Variants in PPP1R3E observed in about 807,000 individuals in gnomAD.
PPP1R3E encodes protein phosphatase 1 regulatory subunit 3E, also known as protein phosphatase 1, regulatory (inhibitor) subunit 3E.
PPP1R3E carries 20 observed loss-of-function variants against 18.5 expected under a neutral mutation model. The ratio of observed to expected loss-of-function variants is 1.08; its 90% confidence interval spans 0.76 to 1.58. The LOEUF (loss-of-function observed/expected upper bound fraction) is 1.58, where lower values mean the gene tolerates loss of function less well. Ranked by LOEUF, PPP1R3E falls within the 40% of genes most tolerant of loss-of-function variation. The probability of loss-of-function intolerance (pLI) is 0.00; values close to 1 mark genes in which losing one functional copy is unlikely to be tolerated. For missense variants in PPP1R3E, 498 were observed against 460.2 expected (o/e 1.08, Z -0.75); for synonymous variants, 208 against 208.1 (o/e 1.00, Z 0.00).
At position 23,301,807 on chromosome 14, in the gene PPP1R3E, A is replaced by G. The variant is rs1050424011; in HGVS notation, c.469T>C (p.Leu157=). The change falls in exon 2 of 5, where the codon TTG becomes CTG. Residue 157 remains leucine (L), a synonymous_variant. Transcript: ENST00000452015. The part of the protein sequence containing the change: ...PASEPGFAAR[L]LTQRICLERA... ...TCCAGGCAGATGCGCTGCGTCAGCA[A>G]GCGGGCGGCGAAGCCGGGCTCGCTG... 3 of 1,471,884 alleles carry G rather than the reference A, an allele frequency of 2.0e-6. No homozygotes were observed. Among genetic ancestry groups the G allele is most frequent in the Non-Finnish European group, 2.7e-6 (3 of 1,120,078 alleles). The allele number at this position is 1,471,884 out of a possible 1,614,324, so 91.2% of individuals were successfully genotyped here.
intron 3 of PPP1R3E, among the ~76,000 whole-genome samples, chr14:23,299,908 T>G (rs928004534): frequency 2.1e-5 from 3 of 141,904 alleles, no homozygotes. Flanking sequence ...TCAAGTTGCT[T>G]TGGTGTTTTT....
chr14:23,301,684 A>G lies in PPP1R3E; in HGVS notation c.592T>C (p.Trp198Arg), dbSNP rs1887045077. ...GCTGGCGCCTCGCGTTGGCTCCGCC[A>G]GCCGTCGGCGCTCCAGCGCACGCTC... ...RVSVRWSADG[W>R]RSQREAPAAY... The change falls in exon 2 of 5, where the codon TGG (tryptophan) becomes CGG (arginine). Residue 198 changes from tryptophan to arginine, a missense_variant. Trp to Arg is a moderately radical substitution (Grantham distance 101). Coordinates refer to ENST00000452015, the MANE Select transcript of PPP1R3E (RefSeq NM_001276318.2). 2 of 1,331,238 alleles carry G rather than the reference A, an allele frequency of 1.5e-6. No homozygotes were observed. The highest frequency in any genetic ancestry group is 2.0e-5 in the South Asian group (1 of 49,808). 82.5% of individuals were successfully genotyped at this position (1,331,238 alleles called of 1,614,324 possible).
In PPP1R3E at chr14:23,302,229, C is replaced by A. The variant is rs1249029179; in HGVS notation, c.348G>T (p.Val116=). The A allele has an allele frequency of 1.3e-6, 2 of 1,510,300 alleles. No homozygotes were observed. Among genetic ancestry groups the A allele is most frequent in the South Asian group, 2.5e-5 (2 of 81,152 alleles). The allele number at this position is 1,510,300 out of a possible 1,614,324, so 93.6% of individuals were successfully genotyped here. A position where few individuals can be genotyped will look rare whatever the true frequency, so the allele number is the denominator to read the frequency against. The change falls in exon 1 of 5, where the codon GTG becomes GTT. Residue 116 remains valine, a synonymous_variant. Transcript: ENST00000452015. ...PGELPRVPRH[V]QIQLQRDALR... is the part of the protein sequence containing the mutation. The stretch of plus-strand genomic sequence containing the variant: ...GGGCGTCCCTCTGCAATTGGATCTG[C>A]ACGTGGCGGGGCACCCGGGGCAGCT...
rs1274309603 is a variant in PPP1R3E, at chr14:23,296,356, CTTTCT to C, written c.*2943_*2947del. 12 of 151,240 alleles carry C rather than the reference CTTTCT, an allele frequency of 7.9e-5. No individual in the cohort carries two copies. The highest frequency in any genetic ancestry group is 3.3e-4 in the Admixed American group (5 of 15,200). 9.4% of individuals were successfully genotyped at this position (151,240 alleles called of 1,614,324 possible). ...GAATCACGGGCTTGTGTAGAGACCTCTTTCTTTTCTTTTTTTTTTTGAGGGTCTCA... is the reference window on the plus strand; with the variant it reads ...GAATCACGGGCTTGTGTAGAGACCTCTTTCTTTTTTTTTTTGAGGGTCTCA... On this transcript the variant is annotated 3_prime_UTR_variant, in exon 5 of 5. Transcript: ENST00000452015.
intron 1 of PPP1R3E, 138 bp from the exon 2 acceptor site, chr14:23,301,996 A>G: frequency 8.0e-7 from 1 of 1,245,186 alleles, no homozygotes; most frequent in East Asian, 3.1e-5. Context: ...CCCAGCTGCC[A>G]GGGTGGCCTA....
At chr14:23,301,973 C>A (rs920884510) in intron 1 of PPP1R3E, 115 bp from the exon 2 acceptor site, 45 of 1,269,428 alleles carry the variant, frequency 3.5e-5, no homozygotes, top group Non-Finnish European at 4.1e-6. Context: ...GCGTCCAGGC[C>A]GGCAGAGTGC....
chr14:23,298,971 T>C (rs1886950429), intron 4 of PPP1R3E, 54 bp from the exon 5 acceptor site: 1 of 154,464 alleles, frequency 6.5e-6, no homozygotes, highest in South Asian at 2.0e-4. Flanking sequence ...CTCTATTCTT[T>C]TTTTTTATTT....
chr14:23,302,257 C>T lies in PPP1R3E; in HGVS notation c.320G>A (p.Gly107Asp). Reference protein sequence around the residue: ...ELAVVRRFRPGELPRVPRHVQ... With the variant: ...ELAVVRRFRPDELPRVPRHVQ... The stretch of plus-strand genomic sequence containing the variant: ...GTGGCGGGGCACCCGGGGCAGCTCA[C>T]CGGGACGGAAGCGGCGCACGACAGC... The change falls in exon 1 of 5, where the codon GGT becomes GAT. Residue 107 changes from glycine (G) to aspartate (D), a missense_variant. Coordinates refer to ENST00000452015, the MANE Select transcript of PPP1R3E (RefSeq NM_001276318.2). The T allele has an allele frequency of 2.6e-6, 4 of 1,520,268 alleles. No homozygotes were observed. Among genetic ancestry groups the T allele is most frequent in the Non-Finnish European group, 2.6e-6 (3 of 1,141,574 alleles). The allele number at this position is 1,520,268 out of a possible 1,614,324, so 94.2% of individuals were successfully genotyped here. A position where few individuals can be genotyped will look rare whatever the true frequency, so the allele number is the denominator to read the frequency against.
chr14:23,301,660 C>A lies in PPP1R3E; in HGVS notation c.616G>T (p.Ala206Ser). The A allele has an allele frequency of 7.6e-7, 1 of 1,312,342 alleles. No homozygotes were observed. The highest frequency in any genetic ancestry group is 9.6e-7 in the Non-Finnish European group (1 of 1,036,888). 81.3% of individuals were successfully genotyped at this position (1,312,342 alleles called of 1,614,324 possible). A position where few individuals can be genotyped will look rare whatever the true frequency, so the allele number is the denominator to read the frequency against. The change falls in exon 2 of 5, where the codon GCC (alanine) becomes TCC (serine). Residue 206 changes from alanine (A) to serine (S), a missense_variant. Ala to Ser is a moderately conservative substitution (Grantham distance 99). Coordinates refer to ENST00000452015, the MANE Select transcript of PPP1R3E (RefSeq NM_001276318.2). ...GGCGGGGCCGGACCGGCGTAGGCGGCTGGCGCCTCGCGTTGGCTCCGCCAG... is the reference window on the plus strand; with the variant it reads ...GGCGGGGCCGGACCGGCGTAGGCGGATGGCGCCTCGCGTTGGCTCCGCCAG... ...DGWRSQREAP[A>S]AYAGPAPPPP... is the part of the protein sequence containing the mutation.
Position 23,301,835 on chromosome 14 carries a change from C to T in PPP1R3E, c.441G>A (p.Pro147=). ...GGGCGGCGAAGCCGGGCTCGCTGGC[C>T]GGCTCCAGGGCGGCGCGCGCCTCCT... ...GLQEARAALE[P]ASEPGFAARL... Residue 147 remains proline, a synonymous_variant, in exon 2 of 5, where the codon CCG becomes CCA. Coordinates refer to ENST00000452015, the MANE Select transcript of PPP1R3E (RefSeq NM_001276318.2). 2 of 1,468,774 alleles carry T rather than the reference C, an allele frequency of 1.4e-6. No individual in the cohort carries two copies. The highest frequency in any genetic ancestry group is 1.8e-6 in the Non-Finnish European group (2 of 1,118,502). 91.0% of individuals were successfully genotyped at this position (1,468,774 alleles called of 1,614,324 possible). A position where few individuals can be genotyped will look rare whatever the true frequency, so the allele number is the denominator to read the frequency against.
In PPP1R3E at chr14:23,298,292, A is replaced by G. The variant is rs1413117845; in HGVS notation, c.*1012T>C. 6.6e-6 allele frequency: 1 copy of G among 152,114 alleles called. No individual in the cohort carries two copies. The highest frequency in any genetic ancestry group is 2.4e-5 in the African/African-American group (1 of 41,406). 9.4% of individuals were successfully genotyped at this position (152,114 alleles called of 1,614,324 possible). ...AACTATGATCATTTCCTAATAAGAGATTATAGCAAGGTTTTAAATTTTGTT... is the reference window on the plus strand; with the variant it reads ...AACTATGATCATTTCCTAATAAGAGGTTATAGCAAGGTTTTAAATTTTGTT... On this transcript the variant is annotated 3_prime_UTR_variant, in exon 5 of 5. Coordinates refer to ENST00000452015, the MANE Select transcript of PPP1R3E (RefSeq NM_001276318.2).
rs575326003 is a variant in PPP1R3E, at chr14:23,301,336, C to G, written c.*100G>C. On this transcript the variant is annotated 3_prime_UTR_variant, in exon 2 of 5. Transcript: ENST00000452015. ...CCCGGCTTGACTCCCTTGGACCGCTCCCGCCAATCCTGGTCTCTCCTACTC... is the reference window on the plus strand; with the variant it reads ...CCCGGCTTGACTCCCTTGGACCGCTGCCGCCAATCCTGGTCTCTCCTACTC... 2,314 of 1,206,256 alleles carry G rather than the reference C, an allele frequency of 1.9e-3. 28 individuals carry two copies. In the African/African-American group the frequency reaches 0.031, roughly 16 times the overall value. The allele number at this position is 1,206,256 out of a possible 1,614,324, so 74.7% of individuals were successfully genotyped here. A position where few individuals can be genotyped will look rare whatever the true frequency, so the allele number is the denominator to read the frequency against.
rs776194608 is a variant in PPP1R3E, at chr14:23,301,437, CAGATAA to C, written c.833_838del (p.Phe278_Ile279del). ...GCCGTCGGCCGCAGGCGCCTCGTCT[CAGATAA>C]AGTGGATCCAGCCCTGCGGCTCCGG... On this transcript the variant is annotated inframe_deletion, in exon 2 of 5. Transcript: ENST00000452015. The C allele has an allele frequency of 2.1e-6, 3 of 1,426,140 alleles. 1 individual carries two copies. The South Asian group carries it at 4.2e-5, about 20-fold the overall frequency. 88.3% of individuals were successfully genotyped at this position (1,426,140 alleles called of 1,614,324 possible). A position where few individuals can be genotyped will look rare whatever the true frequency, so the allele number is the denominator to read the frequency against.
At chr14:23,299,921 G>GT (rs1265464684) in intron 3 of PPP1R3E, among the ~76,000 whole-genome samples, 807 of 44,298 alleles carry the variant, frequency 0.018, 14 homozygotes, top group African/African-American at 0.059. Flanking sequence ...GTGTTTTTTT[G>GT]TTTTTGTTTT....
At position 23,296,967 on chromosome 14, in the gene PPP1R3E, A is replaced by AAAAC. The variant is rs368538940; in HGVS notation, c.*2333_*2336dup. The AAAAC allele has an allele frequency of 2.0e-5, 3 of 152,238 alleles. No individual in the cohort carries two copies. The highest frequency in any genetic ancestry group is 6.5e-5 in the Admixed American group (1 of 15,278). The allele number at this position is 152,238 out of a possible 1,614,324, so 9.4% of individuals were successfully genotyped here. On this transcript the variant is annotated 3_prime_UTR_variant, in exon 5 of 5. Transcript: ENST00000452015. ...AAATGTTTTTCTACATTCACAAAGA[A>AAAAC]AAACAAACAAACAAAAAACAGGACG...
rs1439361667 is a variant in PPP1R3E, at chr14:23,301,648, C to T, written c.628G>A (p.Gly210Ser). 1.7e-5 allele frequency: 22 copies of T among 1,301,172 alleles called. No homozygotes were observed. The highest frequency in any genetic ancestry group is 5.8e-4 in the Middle Eastern group (2 of 3,444). The allele number at this position is 1,301,172 out of a possible 1,614,324, so 80.6% of individuals were successfully genotyped here. ...GCGCGCGGCGGGGGCGGGGCCGGAC[C>T]GGCGTAGGCGGCTGGCGCCTCGCGT... ...SQREAPAAYA[G>S]PAPPPPRADR... The change falls in exon 2 of 5, where the codon GGT (glycine) becomes AGT (serine). Residue 210 changes from glycine (G) to serine (S), a missense_variant. Gly to Ser is a moderately conservative substitution (Grantham distance 56). Transcript: ENST00000452015.
Position 23,297,503 on chromosome 14 carries a change from T to G in PPP1R3E, c.*1801A>C, listed in dbSNP as rs980478348. Reference sequence around the variant, plus strand: ...AGCCAGGGGGTTGGGAAAATCTCAGTGCTGAAGTCCTGGGAGAGGAGTACA... The same window carrying G: ...AGCCAGGGGGTTGGGAAAATCTCAGGGCTGAAGTCCTGGGAGAGGAGTACA... On this transcript the variant is annotated 3_prime_UTR_variant, in exon 5 of 5. Coordinates refer to ENST00000452015, the MANE Select transcript of PPP1R3E (RefSeq NM_001276318.2). The G allele has an allele frequency of 6.6e-6, 1 of 152,204 alleles. No homozygotes were observed. The highest frequency in any genetic ancestry group is 2.4e-5 in the African/African-American group (1 of 41,414). 9.4% of individuals were successfully genotyped at this position (152,204 alleles called of 1,614,324 possible). A position where few individuals can be genotyped will look rare whatever the true frequency, so the allele number is the denominator to read the frequency against.
At position 23,302,330 on chromosome 14, in the gene PPP1R3E, C is replaced by A; in HGVS notation, c.247G>T (p.Asp83Tyr). The A allele has an allele frequency of 6.6e-7, 1 of 1,512,624 alleles. No individual in the cohort carries two copies. Among genetic ancestry groups the A allele is most frequent in the Non-Finnish European group, 8.8e-7 (1 of 1,138,952 alleles). The allele number at this position is 1,512,624 out of a possible 1,614,324, so 93.7% of individuals were successfully genotyped here. A position where few individuals can be genotyped will look rare whatever the true frequency, so the allele number is the denominator to read the frequency against. Residue 83 changes from aspartate (D) to tyrosine (Y), a missense_variant, in exon 1 of 5, where the codon GAC becomes TAC. Asp to Tyr is a radical substitution (Grantham distance 160, BLOSUM62 -3). Coordinates refer to ENST00000452015, the MANE Select transcript of PPP1R3E (RefSeq NM_001276318.2). The part of the protein sequence containing the change: ...GARAPRSRSP[D>Y]TRKRVRFADA... ...GCGAAACGCACTCTCTTGCGGGTGT[C>A]TGGGCTACGGCTGCGGGGCGCCCGG...
chr14:23,301,913 C>A, intron 1 of PPP1R3E, 55 bp from the exon 2 acceptor site: 1 of 1,391,000 alleles, frequency 7.2e-7, no homozygotes, highest in East Asian at 3.0e-5. Context: ...AGGGGAGAGA[C>A]AGGGGGCGGT....
Sources: gnomAD v4.1 joint callset for allele counts (sites outside exome capture counted in the v4.1 genomes callset) on GRCh38, gnomAD v4.1.1 for gene constraint, MANE v1.5 for transcripts, NCBI Gene and HGNC (gene_info 2026-07-23, HGNC 2026-07-21) for gene names.